DOCK8: variants seen among roughly 807,000 people sequenced by gnomAD.
The protein encoded by DOCK8 is dedicator of cytokinesis 8.
Under a neutral mutation model 245.6 loss-of-function variants are expected in DOCK8, and 141 were observed. The ratio of observed to expected loss-of-function variants is 0.57; its 90% CI spans 0.50 to 0.66. The LOEUF (loss-of-function observed/expected upper bound fraction) is 0.66. Ranked by LOEUF, DOCK8 falls within the 30% of genes least tolerant of loss-of-function variation. DOCK8 has a pLI of 0.00. For synonymous variants in DOCK8, 1,168 were observed against 970.2 expected, an observed-to-expected ratio of 1.20 and a Z score of -3.79; for missense variants, 2,965 against 2,603.4, an observed-to-expected ratio of 1.14 and a Z score of -3.02.
chr9:219,083 T>C (rs997089462), intron 1 of DOCK8, among the ~76,000 whole-genome samples: 1 of 152,238 alleles, frequency 6.6e-6, no homozygotes, highest in Non-Finnish European at 1.5e-5. Flanking sequence ...AGTTTTATTT[T>C]AAAATAATAA....
intron 1 of DOCK8, among the ~76,000 whole-genome samples, chr9:261,034 G>A (rs1393827757): frequency 1.3e-5 from 2 of 151,344 alleles, no homozygotes; most frequent in African/African-American, 4.9e-5. Flanking sequence ...TGTAGTGAGC[G>A]GAGATCGTGC....
intron 2 of DOCK8, among the ~76,000 whole-genome samples, chr9:273,708 A>G (rs1042520533): frequency 7.1e-6 from 1 of 140,492 alleles, no homozygotes; most frequent in South Asian, 2.2e-4. Flanking sequence ...TTTTTTTGAG[A>G]TGGAGTTTAG....
At position 312,157 on chromosome 9, in the gene DOCK8, A is replaced by C. The variant is rs750696008; in HGVS notation, c.732A>C (p.Ser244=). The C allele has an allele frequency of 1.1e-5, 17 of 1,614,048 alleles. No homozygotes were observed. Among genetic ancestry groups the C allele is most frequent in the South Asian group, 4.4e-5 (4 of 91,084 alleles). ...CCGAGCTCTTTGCCCTTTACCCATC[A>C]GTGGACGAGGTGGGTGCCACTGTTT... ...RQAELFALYP[S]VDEEDAVEIR... The change falls in exon 6 of 48, where the codon TCA becomes TCC. Residue 244 remains serine, a synonymous_variant. Transcript: ENST00000432829.
At chr9:223,828 G>T (rs962427129) in intron 1 of DOCK8, among the ~76,000 whole-genome samples, 7 of 151,652 alleles carry the variant, frequency 4.6e-5, no homozygotes, top group Admixed American at 2.0e-4. Flanking sequence ...CTGTTATTCT[G>T]TTGCCCATTT....
chr9:341,634 C>T (rs2051594825), intron 14 of DOCK8, among the ~76,000 whole-genome samples: 1 of 152,204 alleles, frequency 6.6e-6, no homozygotes, highest in Admixed American at 6.5e-5. Context: ...CTTACACACA[C>T]ATCTGTGAAC....
rs1309791798 is a variant in DOCK8 at position 463,668 on chromosome 9, A to T, written c.6220A>T (p.Arg2074Ter). Residue 2074 changes from arginine (R) to a stop codon, truncating the protein, a stop_gained, in exon 47 of 48, where the codon AGA (arginine) becomes TGA (stop). Coordinates refer to ENST00000432829, the MANE Select transcript of DOCK8 (RefSeq NM_203447.4). LOFTEE classifies it high-confidence loss of function. ...KIPELYKPIF[R>*]VESQKRDSFH... is the part of the protein sequence containing the mutation. ...TCCAGAACTGTACAAGCCAATATTC[A>T]GAGTTGAGAGTCAAAAGAGGTAAGA... The T allele has an allele frequency of 6.2e-7, 1 of 1,613,832 alleles. No homozygotes were observed.
chr9:430,428 T>C (rs1365260744), intron 36 of DOCK8, among the ~76,000 whole-genome samples: 2 of 151,926 alleles, frequency 1.3e-5, no homozygotes, highest in Non-Finnish European at 2.9e-5. Context: ...ATGTCTGTAA[T>C]CCTAGCACTT....
intron 14 of DOCK8, among the ~76,000 whole-genome samples, chr9:357,200 TATCTC>T (rs1480043288): frequency 6.6e-6 from 1 of 152,272 alleles, no homozygotes; most frequent in Non-Finnish European, 1.5e-5. Flanking sequence ...AACTTTTACT[TATCTC>T]ATAGAAAAGA....
At position 373,762 on chromosome 9, in the gene DOCK8, C is replaced by T. The variant is rs564973962; in HGVS notation, c.2109+1476C>T. On this transcript the variant is annotated intron_variant, in intron 18 of 47. Transcript: ENST00000432829. Reference sequence around the variant, plus strand: ...GGACCACAGGCATGTGTCTGGTAAACCAAAACTTCTCTCATCAAAGCCATC... The same window carrying T: ...GGACCACAGGCATGTGTCTGGTAAATCAAAACTTCTCTCATCAAAGCCATC... Among the ~76,000 whole-genome samples, 255 of 152,286 alleles carry T rather than the reference C, an allele frequency of 1.7e-3. 3 individuals are homozygous for T. The highest frequency in any genetic ancestry group is 6.0e-3 in the African/African-American group (248 of 41,560).
At chr9:260,805 C>T (rs534078332) in intron 1 of DOCK8, among the ~76,000 whole-genome samples, 2 of 152,200 alleles carry the variant, frequency 1.3e-5, no homozygotes, top group South Asian at 4.1e-4. Context: ...AGATCACCAG[C>T]AAACAGATAA....
At chr9:348,560 G>T (rs2052012641) in intron 14 of DOCK8, among the ~76,000 whole-genome samples, 1 of 152,160 alleles carries the variant, frequency 6.6e-6, no homozygotes, top group East Asian at 1.9e-4. Flanking sequence ...TACATGAGTT[G>T]CCCTGGTTGG....
At chr9:382,823 A>G in intron 22 of DOCK8, 138 bp downstream of exon 22, 1 of 1,148,480 alleles carries the variant, frequency 8.7e-7, no homozygotes, top group Non-Finnish European at 1.2e-6. Flanking sequence ...CTTTGGAGTG[A>G]TTAACGTTCT....
chr9:215,384 C>G (rs1277914143), intron 1 of DOCK8: 3 of 1,584,178 alleles, frequency 1.9e-6, no homozygotes, highest in East Asian at 2.4e-5. Flanking sequence ...GGGCGCGCCA[C>G]GGAGTGTCTC....
rs74411356 is a variant in DOCK8, at chr9:312,060, ACCT to A, written c.639_641del (p.Leu214del). On this transcript the variant is annotated inframe_deletion, in exon 6 of 48. Coordinates refer to ENST00000432829, the MANE Select transcript of DOCK8 (RefSeq NM_203447.4). ...CTGCAGCCTGACAAGCGGCTAGAAA[ACCT>A]CCTGCAGCAAGTGAGTGCCGAGGAC... The A allele has an allele frequency of 2.5e-6, 4 of 1,613,680 alleles. No homozygotes were observed. Among genetic ancestry groups the A allele is most frequent in the Non-Finnish European group, 3.4e-6 (4 of 1,179,946 alleles).
intron 2 of DOCK8, among the ~76,000 whole-genome samples, chr9:278,424 C>A (rs985508147): frequency 2.0e-5 from 3 of 152,228 alleles, no homozygotes; most frequent in African/African-American, 7.2e-5. Flanking sequence ...ATGTCAGGAA[C>A]TGCTGGCACA....
intron 45 of DOCK8, among the ~76,000 whole-genome samples, chr9:450,293 C>G (rs1021019300): frequency 1.3e-5 from 2 of 152,130 alleles, no homozygotes; most frequent in Non-Finnish European, 2.9e-5. Flanking sequence ...GGGCTTGAGA[C>G]TCACCTACAA....
At chr9:447,496 T>G (rs562843866) in intron 44 of DOCK8, among the ~76,000 whole-genome samples, 1 of 152,244 alleles carries the variant, frequency 6.6e-6, no homozygotes, top group Non-Finnish European at 1.5e-5. Flanking sequence ...GCCTTCTGGA[T>G]GTTTATGATG....
chr9:262,908 A>G (rs1394959249), intron 1 of DOCK8, among the ~76,000 whole-genome samples: 1 of 151,988 alleles, frequency 6.6e-6, no homozygotes, highest in African/African-American at 2.4e-5. Context: ...ATCTGTTTAC[A>G]TTTAATAACT....
chr9:370,244 A>C lies in DOCK8; in HGVS notation c.1812A>C (p.Lys604Asn). The change falls in exon 16 of 48, where the codon AAA becomes AAC. Residue 604 changes from lysine (K) to asparagine (N), a missense_variant. By Grantham distance (94) the Lys-to-Asn change is moderately conservative. Around this residue, in one of 3 missense-constraint regions of DOCK8, gnomAD observed 2,825 missense variants for 2,453.5 expected, o/e 1.15. Coordinates refer to ENST00000432829, the MANE Select transcript of DOCK8 (RefSeq NM_203447.4). Reference sequence around the variant, plus strand: ...CTGGTGAACAGGTCATCTTTGGAAAATCCAGCGGGCCTGAATTTCTGCAGG... The same window carrying C: ...CTGGTGAACAGGTCATCTTTGGAAACTCCAGCGGGCCTGAATTTCTGCAGG... ...ASNAMPVIFG[K>N]SSGPEFLQEV... is the part of the protein sequence containing the mutation. 1 of 1,613,592 alleles carries C rather than the reference A, an allele frequency of 6.2e-7. No individual in the cohort carries two copies. Among genetic ancestry groups the C allele is most frequent in the Non-Finnish European group, 8.5e-7 (1 of 1,179,620 alleles).
Sources: gnomAD v4.1 joint callset for allele counts (sites outside exome capture counted in the v4.1 genomes callset) on GRCh38, gnomAD v4.1.1 for gene constraint, gnomAD v4.1.1 regional missense constraint, MANE v1.5 for transcripts, NCBI Gene and HGNC (gene_info 2026-07-23, HGNC 2026-07-21) for gene names.